Variants in MIA3 observed in about 807,000 individuals in gnomAD.
MIA3 encodes transport and Golgi organization protein 1 homolog.
In MIA3, 90 loss-of-function variants were observed where a neutral mutation model predicts 192.4. That is an observed-to-expected ratio of 0.47 (90% confidence interval 0.39 to 0.56). MIA3 has a LOEUF of 0.56. Ranked by LOEUF, MIA3 falls within the 20% of genes least tolerant of loss-of-function variation. The probability of loss-of-function intolerance (pLI) is 0.00; values close to 1 mark genes in which losing one functional copy is unlikely to be tolerated. For missense variants in MIA3, 2,123 were observed against 2,269.4 expected, an observed-to-expected ratio of 0.94 and a Z score of 1.31; for synonymous variants, 740 against 792.8, an observed-to-expected ratio of 0.93 and a Z score of 1.12.
Position 222,618,172 on chromosome 1 carries a change from C to G in MIA3, c.62C>G (p.Pro21Arg). The change falls in exon 1 of 28, where the codon CCG becomes CGG. Residue 21 changes from proline to arginine, a missense_variant. Transcript: ENST00000344922. ...LLVLRLPWRV[P>R]GQLDPSTGRR... ...GTGCTCCGGCTGCCCTGGCGGGTGC[C>G]GGGCCAGCTGGACCCCAGCACTGGC... 6.6e-7 allele frequency: 1 copy of G among 1,504,350 alleles called. No individual in the cohort carries two copies. The highest frequency in any genetic ancestry group is 8.9e-7 in the Non-Finnish European group (1 of 1,126,182). 93.2% of individuals were successfully genotyped at this position (1,504,350 alleles called of 1,614,324 possible). A position where few individuals can be genotyped will look rare whatever the true frequency, so the allele number is the denominator to read the frequency against.
chr1:222,665,076 G>T (rs1167076241), intron 27 of MIA3: 5 of 524,804 alleles, frequency 9.5e-6, no homozygotes, highest in Admixed American at 6.6e-5. Context: ...GCGTGCACCT[G>T]TAGTCCCAGC....
At chr1:222,637,742 G>C (rs1296689644) in intron 6 of MIA3, among the ~76,000 whole-genome samples, 1 of 148,002 alleles carries the variant, frequency 6.8e-6, no homozygotes, top group Non-Finnish European at 1.5e-5. Flanking sequence ...CCAGGCTGGA[G>C]TGCAGTGGTG....
chr1:222,637,962 A>G (rs1662702121), intron 6 of MIA3, among the ~76,000 whole-genome samples: 1 of 152,138 alleles, frequency 6.6e-6, no homozygotes, highest in East Asian at 1.9e-4. Flanking sequence ...GATTACAGAC[A>G]TGAGCCACCA....
rs1428982012 is a variant in MIA3, at chr1:222,664,049, A to G, written c.5314A>G (p.Ser1772Gly). The part of the protein sequence containing the change: ...PPPFPGVPLM[S>G]TPMGGPVPPP... ...TCCTTTCCCAGGAGTCCCTCTCATG[A>G]GCACCCCCATGGGAGGCCCTGTACC... Residue 1772 changes from serine to glycine, a missense_variant, in exon 27 of 28, where the codon AGC (serine) becomes GGC (glycine). Ser to Gly is a moderately conservative substitution (Grantham distance 56, BLOSUM62 0). Around this residue, in one of 3 missense-constraint regions of MIA3, gnomAD observed 762 missense variants for 856.4 expected, o/e 0.89. Coordinates refer to ENST00000344922, the MANE Select transcript of MIA3 (RefSeq NM_198551.4). 1.2e-6 allele frequency: 2 copies of G among 1,613,886 alleles called. No individual in the cohort carries two copies. Among genetic ancestry groups the G allele is most frequent in the Non-Finnish European group, 1.7e-6 (2 of 1,179,766 alleles).
At position 222,652,065 on chromosome 1, in the gene MIA3, T is replaced by C; in HGVS notation, c.3981+17T>C. The C allele has an allele frequency of 7.0e-7, 1 of 1,421,326 alleles. No individual in the cohort carries two copies. The highest frequency in any genetic ancestry group is 1.7e-5 in the Admixed American group (1 of 59,160). The allele number at this position is 1,421,326 out of a possible 1,614,324, so 88.0% of individuals were successfully genotyped here. On this transcript the variant is annotated intron_variant, in intron 12 of 27. Transcript: ENST00000344922. ...TTTTCAGAGGTAAAGCTGACTGTAATTCCTGCAGGATATTAATACTATATC... is the reference window on the plus strand; with the variant it reads ...TTTTCAGAGGTAAAGCTGACTGTAACTCCTGCAGGATATTAATACTATATC...
intron 7 of MIA3, among the ~76,000 whole-genome samples, chr1:222,646,531 C>T (rs1036357992): frequency 2.6e-5 from 4 of 152,036 alleles, no homozygotes; most frequent in Non-Finnish European, 5.9e-5. Context: ...GCGGGTGGAT[C>T]ACATAAGGCC....
Position 222,628,878 on chromosome 1 carries a change from G to A in MIA3, c.1658G>A (p.Gly553Asp), listed in dbSNP as rs771084392. The change falls in exon 4 of 28, where the codon GGC becomes GAC. Residue 553 changes from glycine to aspartate, a missense_variant. Transcript: ENST00000344922. ...EKPGEQILEG[G>D]SESESAQKAA... Reference sequence around the variant, plus strand: ...CCTGGAGAGCAGATTTTGGAAGGTGGCTCAGAGAGTGAATCTGCACAGAAA... The same window carrying A: ...CCTGGAGAGCAGATTTTGGAAGGTGACTCAGAGAGTGAATCTGCACAGAAA... The A allele has an allele frequency of 6.2e-7, 1 of 1,614,172 alleles. No homozygotes were observed. The highest frequency in any genetic ancestry group is 1.3e-5 in the African/African-American group (1 of 75,070).
rs1664252867 is a variant in MIA3 at position 222,665,727 on chromosome 1, G to GTTGT, written c.*110_*113dup. On this transcript the variant is annotated 3_prime_UTR_variant, in exon 28 of 28. Coordinates refer to ENST00000344922, the MANE Select transcript of MIA3 (RefSeq NM_198551.4). ...TCCAAAAGTTTATTTTAAAAGGTTT[G>GTTGT]TTGTTAGAACTAAGCTGCCTTGGCA... 1.0e-6 allele frequency: 1 copy of GTTGT among 1,001,544 alleles called. No individual in the cohort carries two copies. Among genetic ancestry groups the GTTGT allele is most frequent in the Non-Finnish European group, 1.4e-6 (1 of 723,080 alleles). 62.0% of individuals were successfully genotyped at this position (1,001,544 alleles called of 1,614,324 possible).
At chr1:222,654,321 A>G (rs1160957232) in intron 16 of MIA3, 23 bp downstream of exon 16, 3 of 1,613,558 alleles carry the variant, frequency 1.9e-6, no homozygotes, top group Admixed American at 1.7e-5. Flanking sequence ...TTAGAGTCCC[A>G]TAATTGCCTG....
chr1:222,628,106 G>T lies in MIA3; in HGVS notation c.886G>T (p.Val296Phe), dbSNP rs76237185. 3 of 1,613,830 alleles carry T rather than the reference G, an allele frequency of 1.9e-6. No homozygotes were observed. The highest frequency in any genetic ancestry group is 1.3e-5 in the African/African-American group (1 of 74,902). ...ATCTGATGATGAGACAACCAGACTC[G>T]TTACTTCATTAGAAGATGATTTTGA... The part of the protein sequence containing the change: ...LVSDDETTRL[V>F]TSLEDDFDEE... The change falls in exon 4 of 28, where the codon GTT becomes TTT. Residue 296 changes from valine (V) to phenylalanine (F), a missense_variant. By Grantham distance (50) the Val-to-Phe change is conservative. Around this residue, in one of 3 missense-constraint regions of MIA3, gnomAD observed 1,357 missense variants for 1,396.1 expected, o/e 0.97. Coordinates refer to ENST00000344922, the MANE Select transcript of MIA3 (RefSeq NM_198551.4).
chr1:222,636,818 A>G (rs1571877172), intron 6 of MIA3, among the ~76,000 whole-genome samples: 1 of 152,118 alleles, frequency 6.6e-6, no homozygotes, highest in East Asian at 1.9e-4. Flanking sequence ...AGCCCATAGT[A>G]TCCATCTTTC....
chr1:222,658,728 G>A lies in MIA3; in HGVS notation c.4614G>A (p.Leu1538=). The A allele has an allele frequency of 6.2e-7, 1 of 1,603,738 alleles. No individual in the cohort carries two copies. Among genetic ancestry groups the A allele is most frequent in the Non-Finnish European group, 8.5e-7 (1 of 1,176,422 alleles). Residue 1538 remains leucine (L), a synonymous_variant, in exon 19 of 28, where the codon CTG becomes CTA. Coordinates refer to ENST00000344922, the MANE Select transcript of MIA3 (RefSeq NM_198551.4). ...ACAACCAGTTTTATCTTAGGAAACT[G>A]AGTCAAGAAGAGTATGAACGGCAAG... ...QQKEMALQKK[L]SQEEYERQER... is the part of the protein sequence containing the mutation.
rs968751869 is a variant in MIA3 at position 222,629,277 on chromosome 1, C to G, written c.2057C>G (p.Ser686Cys). 8 of 1,614,052 alleles carry G rather than the reference C, an allele frequency of 5.0e-6. No individual in the cohort carries two copies. The Admixed American group carries it at 6.7e-5, about 13-fold the overall frequency. The change falls in exon 4 of 28, where the codon TCC (serine) becomes TGC (cysteine). Residue 686 changes from serine to cysteine, a missense_variant. This residue lies in a region of MIA3 where 1,357 missense variants were observed against 1,396.1 expected (regional missense o/e 0.97). Coordinates refer to ENST00000344922, the MANE Select transcript of MIA3 (RefSeq NM_198551.4). The part of the protein sequence containing the change: ...RLSEGEAKED[S>C]LDEEFFHHKA... ...TCTGAGGGAGAAGCCAAAGAGGACT[C>G]CTTGGATGAAGAGTTTTTTCATCAC...
chr1:222,642,800 G>C (rs1662922427), intron 6 of MIA3, among the ~76,000 whole-genome samples: 1 of 152,196 alleles, frequency 6.6e-6, no homozygotes, highest in Non-Finnish European at 1.5e-5. Context: ...CTTGTATCAT[G>C]AGTGAGGCAG....
intron 3 of MIA3, among the ~76,000 whole-genome samples, chr1:222,625,311 G>A (rs865869163): frequency 3.9e-5 from 6 of 152,194 alleles, no homozygotes; most frequent in South Asian, 4.1e-4. Context: ...GGCCAAGGCC[G>A]TGTACTCTTA....
intron 11 of MIA3, 64 bp from the exon 12 acceptor site, chr1:222,651,913 T>A (rs1663458232): frequency 2.3e-6 from 2 of 885,250 alleles, no homozygotes; most frequent in Non-Finnish European, 3.9e-6. Flanking sequence ...TTCTTCTTAG[T>A]ATGTATCCCA....
At position 222,666,342 on chromosome 1, in the gene MIA3, T is replaced by G. The variant is rs1305577619; in HGVS notation, c.*723T>G. On this transcript the variant is annotated 3_prime_UTR_variant, in exon 28 of 28. Coordinates refer to ENST00000344922, the MANE Select transcript of MIA3 (RefSeq NM_198551.4). ...TCCCACTTGTATAGCATTCACATGC[T>G]TTCTTTACGATCCTCATTGTCTATT... 2.0e-5 allele frequency: 3 copies of G among 152,188 alleles called. No individual in the cohort carries two copies. In the South Asian group the frequency reaches 6.2e-4, roughly 32 times the overall value. The allele number at this position is 152,188 out of a possible 1,614,324, so 9.4% of individuals were successfully genotyped here.
At chr1:222,633,656 T>C (rs1662503792) in intron 6 of MIA3, among the ~76,000 whole-genome samples, 2 of 151,998 alleles carry the variant, frequency 1.3e-5, no homozygotes, top group South Asian at 4.1e-4. Context: ...CGCTGAGATA[T>C]GCTTTAAGCA....
chr1:222,624,558 C>T (rs1167201185), intron 2 of MIA3, among the ~76,000 whole-genome samples: 2 of 152,160 alleles, frequency 1.3e-5, no homozygotes, highest in East Asian at 1.9e-4. Context: ...TAGTGCAATA[C>T]TGTAAACCTT....
Sources: gnomAD v4.1 joint callset for allele counts (sites outside exome capture counted in the v4.1 genomes callset) on GRCh38, gnomAD v4.1.1 for gene constraint, gnomAD v4.1.1 regional missense constraint, MANE v1.5 for transcripts, NCBI Gene and HGNC (gene_info 2026-07-23, HGNC 2026-07-21) for gene names.